The following PDE6C variants were observed in gnomAD, a reference collection of about 807,000 sequenced individuals.
The protein encoded by PDE6C is phosphodiesterase 6C, also known as cone cGMP-specific 3',5'-cyclic phosphodiesterase subunit alpha'.
In PDE6C, 75 loss-of-function variants were observed where a neutral mutation model predicts 113.1. The observed-to-expected ratio is 0.66, with a 90% CI of 0.55 to 0.80. PDE6C has a LOEUF of 0.80. PDE6C is among the 30% of genes least tolerant of loss of function. The pLI is 0.00. For missense variants in PDE6C, 912 were observed against 1,038.6 expected (o/e 0.88, Z 1.67); for synonymous variants, 375 against 363.7 (o/e 1.03, Z -0.35).
chr10:93,641,670 T>A (rs560210608), intron 14 of PDE6C, among the ~76,000 whole-genome samples: 1 of 152,080 alleles, frequency 6.6e-6, no homozygotes, highest in African/African-American at 2.4e-5. Context: ...AAAAAACAAG[T>A]ACATAAGGTA....
intron 18 of PDE6C, among the ~76,000 whole-genome samples, chr10:93,661,586 A>G (rs1168442376): frequency 6.6e-6 from 1 of 152,214 alleles, no homozygotes; most frequent in Non-Finnish European, 1.5e-5. Flanking sequence ...CAGGTGTTCA[A>G]TGAACTTGAT....
intron 7 of PDE6C, among the ~76,000 whole-genome samples, chr10:93,628,538 T>C (rs1397086613): frequency 6.6e-6 from 1 of 152,016 alleles, no homozygotes; most frequent in Non-Finnish European, 1.5e-5. Flanking sequence ...AGAGCTGAGA[T>C]CGCGCCATTG....
chr10:93,663,390 G>C (rs539822999), intron 21 of PDE6C, among the ~76,000 whole-genome samples: 2 of 152,140 alleles, frequency 1.3e-5, no homozygotes, highest in Admixed American at 6.5e-5. Flanking sequence ...CGAATTGACC[G>C]GTCCAGTTGA....
intron 8 of PDE6C, among the ~76,000 whole-genome samples, chr10:93,632,410 T>C (rs1227903036): frequency 3.3e-5 from 5 of 152,240 alleles, no homozygotes; most frequent in African/African-American, 1.2e-4. Flanking sequence ...TTAACGTCAA[T>C]TAAAGTGGTC....
intron 1 of PDE6C, among the ~76,000 whole-genome samples, chr10:93,616,434 T>C (rs1273372123): frequency 1.3e-5 from 2 of 152,202 alleles, no homozygotes; most frequent in Admixed American, 6.5e-5. Flanking sequence ...GTCTGTGACG[T>C]AGTAACTGTG....
At chr10:93,665,051 T>A (rs2058683870) in intron 21 of PDE6C, among the ~76,000 whole-genome samples, 2 of 152,108 alleles carry the variant, frequency 1.3e-5, no homozygotes, top group African/African-American at 4.8e-5. Context: ...ATATTTTTAG[T>A]AGAGACAGGG....
rs1300000658 is a variant in PDE6C, at chr10:93,645,963, C to T, written c.1851C>T (p.Ser617=). 1 of 1,586,806 alleles carries T rather than the reference C, an allele frequency of 6.3e-7. No individual in the cohort carries two copies. Among genetic ancestry groups the T allele is most frequent in the Non-Finnish European group, 8.7e-7 (1 of 1,155,360 alleles). The change falls in exon 15 of 22, where the codon TCC becomes TCT. Residue 617 remains serine (S), a synonymous_variant. Transcript: ENST00000371447. ...TGGCATGTTGTTTTCCTTCTAGATCCACGTCTCCATTAGCAAGACTTCATG... is the reference window on the plus strand; with the variant it reads ...TGGCATGTTGTTTTCCTTCTAGATCTACGTCTCCATTAGCAAGACTTCATG... ...RGTNNLYQMK[S]TSPLARLHGS... is the part of the protein sequence containing the mutation.
chr10:93,631,708 G>A (rs1217144788), intron 8 of PDE6C, among the ~76,000 whole-genome samples: 2 of 152,180 alleles, frequency 1.3e-5, no homozygotes, highest in Non-Finnish European at 2.9e-5. Context: ...TTCTGATTCT[G>A]TCTCTCCCTG....
At chr10:93,623,852 G>T (rs1456600758) in intron 4 of PDE6C, among the ~76,000 whole-genome samples, 2 of 152,078 alleles carry the variant, frequency 1.3e-5, no homozygotes, top group Non-Finnish European at 2.9e-5. Flanking sequence ...GATTATTGCA[G>T]CTTCATGGCA....
chr10:93,626,779 T>C (rs1484624776), intron 6 of PDE6C, 26 bp from the exon 7 acceptor site: 1 of 1,612,498 alleles, frequency 6.2e-7, no homozygotes, highest in African/African-American at 1.3e-5. Flanking sequence ...TATATTGCAA[T>C]GATTTTTTTT....
At chr10:93,623,807 A>G (rs2058459729) in intron 4 of PDE6C, among the ~76,000 whole-genome samples, 1 of 152,076 alleles carries the variant, frequency 6.6e-6, no homozygotes, top group Admixed American at 6.6e-5. Context: ...TCATTGATTC[A>G]TTTGTCCATT....
Position 93,646,026 on chromosome 10 carries a change from T to C in PDE6C, c.1914T>C (p.Ser638=), listed in dbSNP as rs1189973117. 1.9e-6 allele frequency: 3 copies of C among 1,598,692 alleles called. No individual in the cohort carries two copies. Among genetic ancestry groups the C allele is most frequent in the Non-Finnish European group, 2.6e-6 (3 of 1,165,986 alleles). Reference sequence around the variant, plus strand: ...TGGAGAGGCACCACCTGGAGTACAGTAAGACTCTGTTGCAGGATGAGGTAC... The same window carrying C: ...TGGAGAGGCACCACCTGGAGTACAGCAAGACTCTGTTGCAGGATGAGGTAC... ...SILERHHLEY[S]KTLLQDESLN... is the part of the protein sequence containing the mutation. The change falls in exon 15 of 22, where the codon AGT becomes AGC. Residue 638 remains serine, a synonymous_variant. Coordinates refer to ENST00000371447, the MANE Select transcript of PDE6C (RefSeq NM_006204.4).
intron 11 of PDE6C, among the ~76,000 whole-genome samples, chr10:93,637,933 A>G (rs138309123): frequency 6.6e-6 from 1 of 152,236 alleles, no homozygotes; most frequent in Non-Finnish European, 1.5e-5. Flanking sequence ...TGCAAAGAGC[A>G]TTAGAGTTTC....
intron 21 of PDE6C, among the ~76,000 whole-genome samples, chr10:93,663,419 GCTT>G (rs1306063626): frequency 6.6e-6 from 1 of 152,146 alleles, no homozygotes; most frequent in African/African-American, 2.4e-5. Flanking sequence ...TTGGAGCTAG[GCTT>G]CTTCATCTTG....
chr10:93,657,722 A>G (rs142275171), intron 16 of PDE6C, among the ~76,000 whole-genome samples: 356 of 138,424 alleles, frequency 2.6e-3, no homozygotes, highest in African/African-American at 8.2e-3. Flanking sequence ...ATTGCCTACA[A>G]TGCTACCTTG....
chr10:93,656,794 C>T (rs1214222999), intron 16 of PDE6C, among the ~76,000 whole-genome samples: 4 of 152,026 alleles, frequency 2.6e-5, no homozygotes, highest in African/African-American at 4.8e-5. Flanking sequence ...GTCTTGAACT[C>T]CCGACCTCAA....
chr10:93,641,871 A>G (rs1311965996), intron 14 of PDE6C, among the ~76,000 whole-genome samples: 1 of 152,098 alleles, frequency 6.6e-6, no homozygotes, highest in Non-Finnish European at 1.5e-5. Flanking sequence ...GAAGTACAAT[A>G]AGAAGGGTGC....
chr10:93,626,901 A>G (rs1384444670), intron 7 of PDE6C, 30 bp downstream of exon 7: 2 of 1,553,676 alleles, frequency 1.3e-6, no homozygotes, highest in African/African-American at 1.4e-5. Context: ...CAAATTTTAA[A>G]TAATATTGCA....
chr10:93,656,617 T>A (rs2058638982), intron 16 of PDE6C, among the ~76,000 whole-genome samples: 1 of 152,068 alleles, frequency 6.6e-6, no homozygotes, highest in Non-Finnish European at 1.5e-5. Context: ...TCACCTGGGC[T>A]GGAGTGCAGT....
Sources: allele counts gnomAD v4.1 joint callset (sites outside exome capture counted in the v4.1 genomes callset), GRCh38; gene constraint gnomAD v4.1.1; transcripts MANE v1.5; gene names NCBI Gene and HGNC (gene_info 2026-07-23, HGNC 2026-07-21).